SLC30A8: variants seen among roughly 807,000 people sequenced by gnomAD.
The protein encoded by SLC30A8 is proton-coupled zinc antiporter SLC30A8.
A neutral mutation model predicts 36.9 loss-of-function variants in SLC30A8; 27 were observed. The observed-to-expected ratio is 0.73, with a 90% CI of 0.54 to 1.01. SLC30A8 has a LOEUF of 1.01. SLC30A8 is among the 50% of genes least tolerant of loss of function. The pLI is 0.00. For missense variants in SLC30A8, 439 were observed against 452.0 expected, an observed-to-expected ratio of 0.97 and a Z score of 0.26; for synonymous variants, 164 against 172.4, an observed-to-expected ratio of 0.95 and a Z score of 0.38.
chr8:117,104,125 C>T (rs1006333446), intron 2 of SLC30A8, among the ~76,000 whole-genome samples: 1 of 152,204 alleles, frequency 6.6e-6, no homozygotes, highest in Non-Finnish European at 1.5e-5. Context: ...GAATGTCCAA[C>T]TAGACCCCAA....
At chr8:116,983,350 A>G (rs1815339990) in intron 1 of SLC30A8, among the ~76,000 whole-genome samples, 1 of 152,062 alleles carries the variant, frequency 6.6e-6, no homozygotes, top group South Asian at 2.1e-4. Flanking sequence ...GAGCTCTGGA[A>G]TTTCTACTTT....
At chr8:117,031,563 C>T (rs1035502525) in intron 1 of SLC30A8, among the ~76,000 whole-genome samples, 4 of 151,762 alleles carry the variant, frequency 2.6e-5, no homozygotes, top group Admixed American at 6.6e-5. Flanking sequence ...TGGGTTCAAG[C>T]GATTCTCCCG....
intron 2 of SLC30A8, among the ~76,000 whole-genome samples, chr8:117,088,872 C>T (rs1818990553): frequency 6.6e-6 from 1 of 152,154 alleles, no homozygotes; most frequent in Admixed American, 6.5e-5. Context: ...ATATTGCACC[C>T]AGTGCTGGAG....
At chr8:117,132,874 C>T (rs1239379577), upstream of SLC30A8, among the ~76,000 whole-genome samples, 3 of 151,964 alleles carry the variant, frequency 2.0e-5, no homozygotes, top group Non-Finnish European at 4.4e-5. Flanking sequence ...AAATTTATGG[C>T]AGCAAAACTT....
intron 1 of SLC30A8, among the ~76,000 whole-genome samples, chr8:117,025,458 A>G (rs905616986): frequency 6.6e-6 from 1 of 152,200 alleles, no homozygotes; most frequent in African/African-American, 2.4e-5. Flanking sequence ...TACATACTGG[A>G]AAGATTATGT....
chr8:117,133,217 CAG>C (rs972195190), upstream of SLC30A8, among the ~76,000 whole-genome samples: 5 of 152,000 alleles, frequency 3.3e-5, no homozygotes, highest in East Asian at 1.9e-4. Context: ...ACATTTTTGA[CAG>C]GGGGTAGCAG....
chr8:117,113,046 T>A (rs1352970988), intron 2 of SLC30A8, among the ~76,000 whole-genome samples: 2 of 152,162 alleles, frequency 1.3e-5, no homozygotes, highest in Non-Finnish European at 2.9e-5. Context: ...GATATAAAGA[T>A]GGTAGCCATA....
chr8:117,160,535 C>T (rs1379497931), intron 4 of SLC30A8, among the ~76,000 whole-genome samples: 1 of 152,168 alleles, frequency 6.6e-6, no homozygotes, highest in Non-Finnish European at 1.5e-5. Flanking sequence ...TGTTTTCACT[C>T]ACCTTTATGG....
chr8:116,968,408 T>C (rs1814672981), intron 1 of SLC30A8, among the ~76,000 whole-genome samples: 1 of 150,888 alleles, frequency 6.6e-6, no homozygotes, highest in Non-Finnish European at 1.5e-5. Context: ...AGCTATAGTA[T>C]AGCTTATTGT....
intron 1 of SLC30A8, among the ~76,000 whole-genome samples, chr8:117,037,811 C>T (rs1392428838): frequency 2.6e-5 from 4 of 152,194 alleles, no homozygotes; most frequent in African/African-American, 9.7e-5. Flanking sequence ...GAAAACTTCA[C>T]TTCCGCAGAT....
At chr8:117,160,331 TC>T (rs1822711520) in intron 4 of SLC30A8, among the ~76,000 whole-genome samples, 2 of 152,216 alleles carry the variant, frequency 1.3e-5, no homozygotes, top group African/African-American at 4.8e-5. Flanking sequence ...GCTACGTCTT[TC>T]TAACTAAATC....
intron 2 of SLC30A8, chr8:117,129,783 G>A (rs1821056079): frequency 6.6e-6 from 1 of 151,984 alleles, no homozygotes; most frequent in Non-Finnish European, 1.5e-5. Flanking sequence ...ATTCTGAATG[G>A]TAAAGGGGAA....
At chr8:117,017,439 T>C (rs934467918) in intron 1 of SLC30A8, among the ~76,000 whole-genome samples, 2 of 152,230 alleles carry the variant, frequency 1.3e-5, no homozygotes, top group Admixed American at 6.5e-5. Context: ...GTATTTTCTA[T>C]GTTTGTAGTG....
At chr8:116,995,974 G>A (rs1053720499) in intron 1 of SLC30A8, among the ~76,000 whole-genome samples, 4 of 152,166 alleles carry the variant, frequency 2.6e-5, no homozygotes, top group African/African-American at 4.8e-5. Context: ...GCACCATCCT[G>A]TAAAATCCCC....
chr8:117,170,982 T>C (rs1823348399), intron 6 of SLC30A8, 52 bp from the exon 7 acceptor site: 4 of 1,477,098 alleles, frequency 2.7e-6, no homozygotes, highest in Non-Finnish European at 2.7e-6. Context: ...GGTAATTCAA[T>C]GAGCTGTATC....
chr8:117,004,522 C>T (rs542811301), intron 1 of SLC30A8, among the ~76,000 whole-genome samples: 2 of 151,444 alleles, frequency 1.3e-5, no homozygotes, highest in African/African-American at 4.8e-5. Flanking sequence ...AGAGCGTGTC[C>T]CTGTCTATAT....
At chr8:117,151,403 T>C (rs1196454768) in intron 2 of SLC30A8, among the ~76,000 whole-genome samples, 2 of 152,246 alleles carry the variant, frequency 1.3e-5, no homozygotes, top group Non-Finnish European at 2.9e-5. Flanking sequence ...TAATACTCCA[T>C]GCTTTCAGAA....
At chr8:116,955,375 A>G (rs1814157609) in intron 1 of SLC30A8, among the ~76,000 whole-genome samples, 1 of 152,170 alleles carries the variant, frequency 6.6e-6, no homozygotes, top group Admixed American at 6.5e-5. Context: ...AAAAAGATAC[A>G]CAGAGAGAAC....
At chr8:116,974,244 G>A (rs1444447519) in intron 1 of SLC30A8, among the ~76,000 whole-genome samples, 1 of 152,162 alleles carries the variant, frequency 6.6e-6, no homozygotes, top group Non-Finnish European at 1.5e-5. Context: ...CCATCAGAGT[G>A]AACAGGCAAC....
Sources: allele counts gnomAD v4.1 joint callset (sites outside exome capture counted in the v4.1 genomes callset), GRCh38; gene constraint gnomAD v4.1.1; transcripts MANE v1.5; gene names NCBI Gene and HGNC (gene_info 2026-07-23, HGNC 2026-07-21).